The following RBMS3 variants were observed in gnomAD, a reference collection of about 807,000 sequenced individuals.
The protein encoded by RBMS3 is RNA binding motif single stranded interacting protein 3.
Under a neutral mutation model 66.8 loss-of-function variants are expected in RBMS3, and 27 were observed. The observed-to-expected ratio is 0.40, with a 90% CI of 0.30 to 0.56. The LOEUF is 0.56. Ranked by LOEUF, RBMS3 falls within the 20% of genes least tolerant of loss-of-function variation. RBMS3 has a pLI of 0.40. For synonymous variants in RBMS3, 188 were observed against 183.0 expected (o/e 1.03, Z -0.22); for missense variants, 513 against 549.5 (o/e 0.93, Z 0.66).
At chr3:29,569,154 T>A (rs2046848863) in intron 3 of RBMS3, among the ~76,000 whole-genome samples, 1 of 152,102 alleles carries the variant, frequency 6.6e-6, no homozygotes, top group Non-Finnish European at 1.5e-5. Context: ...TGCAGAGCCA[T>A]TTTCCTAGTT....
intron 6 of RBMS3, among the ~76,000 whole-genome samples, chr3:29,813,893 G>A (rs1208032253): frequency 2.6e-5 from 4 of 152,046 alleles, no homozygotes; most frequent in South Asian, 2.1e-4. Flanking sequence ...GAGACAATGG[G>A]GTTTTCTAGA....
intron 1 of RBMS3, among the ~76,000 whole-genome samples, chr3:29,315,913 T>C (rs2034644648): frequency 6.6e-6 from 1 of 151,746 alleles, no homozygotes; most frequent in Non-Finnish European, 1.5e-5. Flanking sequence ...TGAGAGTCCT[T>C]CAGGTTTTGT....
At chr3:29,907,001 G>C (rs2060396827) in intron 10 of RBMS3, among the ~76,000 whole-genome samples, 1 of 151,928 alleles carries the variant, frequency 6.6e-6, no homozygotes. Context: ...TTTCCCAATT[G>C]AGCAAAAATG....
chr3:29,790,243 G>A (rs1415938175), intron 6 of RBMS3, among the ~76,000 whole-genome samples: 1 of 152,116 alleles, frequency 6.6e-6, no homozygotes, highest in Non-Finnish European at 1.5e-5. Flanking sequence ...AGTAGCATAT[G>A]AAATTTAAAA....
intron 3 of RBMS3, among the ~76,000 whole-genome samples, chr3:29,527,957 G>A (rs1373407980): frequency 1.4e-5 from 2 of 147,762 alleles, no homozygotes; most frequent in Admixed American, 6.6e-5. Flanking sequence ...AAAAGAAATA[G>A]CAGATATAAT....
At chr3:29,522,337 C>G (rs368014731) in intron 3 of RBMS3, among the ~76,000 whole-genome samples, 2 of 152,186 alleles carry the variant, frequency 1.3e-5, no homozygotes, top group East Asian at 3.9e-4. Flanking sequence ...GGATTACAGG[C>G]CCCCACCACC....
At chr3:29,357,280 T>C (rs2037281855) in intron 1 of RBMS3, among the ~76,000 whole-genome samples, 1 of 151,996 alleles carries the variant, frequency 6.6e-6, no homozygotes, top group African/African-American at 2.4e-5. Context: ...TTCCCACCTA[T>C]GAGTGAGAAC....
At chr3:29,586,971 A>G (rs1210372260) in intron 3 of RBMS3, 143 bp from the exon 4 acceptor site, 3 of 571,894 alleles carry the variant, frequency 5.2e-6, no homozygotes, top group South Asian at 2.6e-5. Flanking sequence ...ATTAAGGACC[A>G]CTAATCTAAG....
intron 3 of RBMS3, among the ~76,000 whole-genome samples, chr3:29,508,621 T>C (rs532695129): frequency 6.6e-6 from 1 of 152,300 alleles, no homozygotes; most frequent in Non-Finnish European, 1.5e-5. Context: ...TTGGGCTGGT[T>C]TCAAGTCTTT....
At chr3:29,519,329 G>A (rs1220668244) in intron 3 of RBMS3, among the ~76,000 whole-genome samples, 3 of 152,242 alleles carry the variant, frequency 2.0e-5, no homozygotes, top group South Asian at 2.1e-4. Context: ...TTCAAGAAGG[G>A]TTAGAAAGGC....
At chr3:29,398,941 A>G (rs989846305) in intron 1 of RBMS3, among the ~76,000 whole-genome samples, 1 of 152,166 alleles carries the variant, frequency 6.6e-6, no homozygotes, top group Non-Finnish European at 1.5e-5. Flanking sequence ...TTTCTGCTGT[A>G]CATCTGGGAA....
At chr3:29,887,042 T>C (rs1302840904) in intron 8 of RBMS3, among the ~76,000 whole-genome samples, 3 of 151,804 alleles carry the variant, frequency 2.0e-5, no homozygotes, top group African/African-American at 7.3e-5. Context: ...ACATTAAAAG[T>C]ATTTTATTAC....
chr3:29,988,311 A>T, intron 13 of RBMS3, 88 bp downstream of exon 13: 2 of 1,111,944 alleles, frequency 1.8e-6, no homozygotes, highest in Admixed American at 4.3e-5. Context: ...AGGAATCCTC[A>T]CTTGCAATTT....
At chr3:29,884,469 T>TCTCTCTAC (rs1553692501) in intron 8 of RBMS3, among the ~76,000 whole-genome samples, 35 of 66,348 alleles carry the variant, frequency 5.3e-4, no homozygotes, top group African/African-American at 1.6e-3. Flanking sequence ...TCTCTCTCTC[T>TCTCTCTAC]CCCCCCCCGC....
intron 6 of RBMS3, among the ~76,000 whole-genome samples, chr3:29,817,487 G>A: frequency 6.6e-6 from 1 of 152,124 alleles, no homozygotes; most frequent in Non-Finnish European, 1.5e-5. Flanking sequence ...TTTCAGGCAT[G>A]AGCCACTGCA....
intron 4 of RBMS3, among the ~76,000 whole-genome samples, chr3:29,694,308 A>C (rs529221341): frequency 6.6e-6 from 1 of 152,338 alleles, no homozygotes; most frequent in South Asian, 2.1e-4. Flanking sequence ...TTCATTTCCA[A>C]CTTACATCCT....
Position 29,672,616 on chromosome 3 carries a change from A to G in RBMS3, c.400-67104A>G, listed in dbSNP as rs1559555641. Among the ~76,000 whole-genome samples, 3 of 152,234 alleles carry G rather than the reference A, an allele frequency of 2.0e-5. No individual in the cohort carries two copies. In the South Asian group the frequency reaches 6.2e-4, roughly 31 times the overall value. ...GATCTACCAAGCAAATGGAAAACAA[A>G]AAAAAGCAGGGGTTGCAATCCTAGC... On this transcript the variant is annotated intron_variant, in intron 4 of 14. Coordinates refer to ENST00000383767, the MANE Select transcript of RBMS3 (RefSeq NM_001003793.3).
At chr3:29,290,970 T>C (rs1018238301) in intron 1 of RBMS3, among the ~76,000 whole-genome samples, 1 of 151,956 alleles carries the variant, frequency 6.6e-6, no homozygotes, top group African/African-American at 2.4e-5. Context: ...TGAAACTCTG[T>C]GTCCAAGTAA....
intron 10 of RBMS3, among the ~76,000 whole-genome samples, chr3:29,906,851 C>T (rs2060392478): frequency 6.6e-6 from 1 of 152,006 alleles, no homozygotes; most frequent in South Asian, 2.1e-4. Flanking sequence ...ACAATATACC[C>T]ATTATATATA....
Sources: allele counts gnomAD v4.1 joint callset (sites outside exome capture counted in the v4.1 genomes callset), GRCh38; gene constraint gnomAD v4.1.1; transcripts MANE v1.5; gene names NCBI Gene and HGNC (gene_info 2026-07-23, HGNC 2026-07-21).